MARCHF1: variants seen among roughly 807,000 people sequenced by gnomAD.
The protein encoded by MARCHF1 is E3 ubiquitin-protein ligase MARCHF1.
MARCHF1 carries 40 observed loss-of-function variants against 54.2 expected under a neutral mutation model. The ratio of observed to expected loss-of-function variants is 0.74; its 90% CI spans 0.57 to 0.96. The LOEUF (loss-of-function observed/expected upper bound fraction) is 0.96. MARCHF1 is among the 40% of genes least tolerant of loss of function. The pLI, the probability that MARCHF1 is intolerant of heterozygous loss-of-function variation, is 0.00. For missense variants in MARCHF1, 586 were observed against 656.5 expected (o/e 0.89, Z 1.17); for synonymous variants, 236 against 236.3 (o/e 1.00, Z 0.01).
At chr4:164,241,652 G>A (rs1203390427) in intron 1 of MARCHF1, among the ~76,000 whole-genome samples, 2 of 152,190 alleles carry the variant, frequency 1.3e-5, no homozygotes, top group Admixed American at 1.3e-4. Flanking sequence ...AACAGCTCCG[G>A]TCTACAGCTC....
chr4:163,765,608 T>C (rs1426866095), intron 4 of MARCHF1, among the ~76,000 whole-genome samples: 3 of 151,980 alleles, frequency 2.0e-5, no homozygotes, highest in Non-Finnish European at 2.9e-5. Context: ...ATCAGTAGTT[T>C]ATAAATAAAT....
chr4:163,929,349 A>T (rs1207227412), intron 3 of MARCHF1, among the ~76,000 whole-genome samples: 1 of 152,066 alleles, frequency 6.6e-6, no homozygotes, highest in Non-Finnish European at 1.5e-5. Context: ...AAAGCACTTA[A>T]AGCAGTGCCT....
chr4:163,658,535 C>T (rs770812725), intron 5 of MARCHF1, among the ~76,000 whole-genome samples: 4 of 152,068 alleles, frequency 2.6e-5, no homozygotes, highest in African/African-American at 4.8e-5. Flanking sequence ...TTTGACCCAG[C>T]CATCTCATTA....
At chr4:163,986,715 A>G (rs1160235400) in intron 3 of MARCHF1, among the ~76,000 whole-genome samples, 1 of 152,222 alleles carries the variant, frequency 6.6e-6, no homozygotes, top group African/African-American at 2.4e-5. Flanking sequence ...CCATATCTTG[A>G]TAACAATTGT....
chr4:163,613,374 C>T lies in MARCHF1; in HGVS notation c.182G>A (p.Gly61Glu), dbSNP rs772570122. The change falls in exon 6 of 10, where the codon GGG (glycine) becomes GAG (glutamate). Residue 61 changes from glycine to glutamate, a missense_variant. Transcript: ENST00000514618. ...NISKASSPTT[G>E]TAPRSQSRLS... is the part of the protein sequence containing the mutation. ...CCTTGACTGGCTCCTGGGAGCTGTCCCTGTTGTTGGGCTGCTTGCCTGGAG... is the reference window on the plus strand; with the variant it reads ...CCTTGACTGGCTCCTGGGAGCTGTCTCTGTTGTTGGGCTGCTTGCCTGGAG... 1 of 1,613,212 alleles carries T rather than the reference C, an allele frequency of 6.2e-7. No homozygotes were observed.
chr4:163,950,556 G>A (rs1336989319), intron 3 of MARCHF1, among the ~76,000 whole-genome samples: 10 of 152,246 alleles, frequency 6.6e-5, no homozygotes, highest in African/African-American at 2.4e-4. Context: ...TGCTCAGGAG[G>A]GTGGGGCTCC....
intron 2 of MARCHF1, among the ~76,000 whole-genome samples, chr4:164,072,317 G>A (rs191895131): frequency 6.6e-5 from 10 of 152,310 alleles, no homozygotes; most frequent in Admixed American, 4.6e-4. Flanking sequence ...TAGGTGCGAT[G>A]GCTCATGCCT....
chr4:163,964,774 C>A (rs1398314575), intron 3 of MARCHF1, among the ~76,000 whole-genome samples: 1 of 151,906 alleles, frequency 6.6e-6, no homozygotes, highest in Non-Finnish European at 1.5e-5. Context: ...CTAGGATGTC[C>A]TCCAAGCACA....
At chr4:163,718,901 T>C (rs1032342107) in intron 4 of MARCHF1, among the ~76,000 whole-genome samples, 4 of 152,206 alleles carry the variant, frequency 2.6e-5, no homozygotes, top group African/African-American at 9.6e-5. Flanking sequence ...ATCTTTTGTG[T>C]TGATTGGTGA....
chr4:164,238,366 G>C (rs577267981), intron 1 of MARCHF1, among the ~76,000 whole-genome samples: 12 of 152,042 alleles, frequency 7.9e-5, no homozygotes, highest in African/African-American at 2.9e-4. Context: ...AGTTGACCAG[G>C]CTTATTCATA....
At chr4:163,961,743 A>G (rs966915775) in intron 3 of MARCHF1, among the ~76,000 whole-genome samples, 1 of 151,864 alleles carries the variant, frequency 6.6e-6, no homozygotes, top group Non-Finnish European at 1.5e-5. Context: ...CTTTTTCCCA[A>G]AGTTAAAAAT....
chr4:164,363,257 C>T (rs912875002), intron 1 of MARCHF1, among the ~76,000 whole-genome samples: 2 of 152,032 alleles, frequency 1.3e-5, no homozygotes, highest in Non-Finnish European at 2.9e-5. Flanking sequence ...GGCCAATTTT[C>T]TTTCTCTGAA....
chr4:163,801,658 A>G (rs1244720980), intron 4 of MARCHF1, among the ~76,000 whole-genome samples: 1 of 152,040 alleles, frequency 6.6e-6, no homozygotes, highest in Non-Finnish European at 1.5e-5. Flanking sequence ...CCCCACCCTA[A>G]TATGATTTTC....
intron 2 of MARCHF1, among the ~76,000 whole-genome samples, chr4:164,006,618 C>A (rs1753293644): frequency 6.6e-6 from 1 of 151,966 alleles, no homozygotes; most frequent in South Asian, 2.1e-4. Context: ...TATCCAGATA[C>A]CGGCAGTCCT....
chr4:163,929,998 T>TA lies in MARCHF1; in HGVS notation c.-39+58502_-39+58503insT, dbSNP rs1560823916. 5.8e-4 allele frequency among the ~76,000 whole-genome samples: 73 copies of TA among 125,902 alleles called. 1 individual carries two copies. The highest frequency in any genetic ancestry group is 2.0e-3 in the African/African-American group (68 of 33,654). 82.6% of individuals were successfully genotyped at this position (125,902 alleles called of 152,430 possible). Reference sequence around the variant, plus strand: ...ATATATATAATATATATATAATATATTATATATAAATATATTATATATACT... The same window carrying TA: ...ATATATATAATATATATATAATATATATATATATAAATATATTATATATACT... On this transcript the variant is annotated intron_variant, in intron 3 of 9. Transcript: ENST00000514618.
intron 1 of MARCHF1, among the ~76,000 whole-genome samples, chr4:164,124,092 G>C (rs547925321): frequency 1.3e-5 from 2 of 148,382 alleles, no homozygotes; most frequent in African/African-American, 2.6e-5. Flanking sequence ...ATGGGCAAAA[G>C]ATTTGAATAG....
At chr4:164,237,280 T>C (rs1732589039) in intron 1 of MARCHF1, among the ~76,000 whole-genome samples, 1 of 152,172 alleles carries the variant, frequency 6.6e-6, no homozygotes, top group African/African-American at 2.4e-5. Flanking sequence ...AAACCTTTTT[T>C]CTGTCAAGCC....
chr4:164,241,203 C>A (rs1265408969), intron 1 of MARCHF1, among the ~76,000 whole-genome samples: 2 of 152,048 alleles, frequency 1.3e-5, no homozygotes, highest in African/African-American at 2.4e-5. Flanking sequence ...TTGGACAGTC[C>A]CATAATTTCA....
chr4:163,743,462 C>A (rs895276553), intron 4 of MARCHF1, among the ~76,000 whole-genome samples: 3 of 152,140 alleles, frequency 2.0e-5, no homozygotes. Context: ...TACCACCGTA[C>A]CTGATTATGG....
Sources: gnomAD v4.1 joint callset for allele counts (sites outside exome capture counted in the v4.1 genomes callset) on GRCh38, gnomAD v4.1.1 for gene constraint, MANE v1.5 for transcripts, NCBI Gene and HGNC (gene_info 2026-07-23, HGNC 2026-07-21) for gene names.